Variants in TSC22D1 observed in about 807,000 individuals in gnomAD.
TSC22D1 encodes the protein TSC22 domain family protein 1.
A neutral mutation model predicts 74.2 loss-of-function variants in TSC22D1; 9 were observed. That is an observed-to-expected ratio of 0.12 (90% CI 0.07 to 0.21). The LOEUF is 0.21. TSC22D1 is among the 10% of genes least tolerant of loss of function. The pLI is 1.00. For missense variants in TSC22D1, 1,427 were observed against 1,304.7 expected (o/e 1.09, Z -1.44); for synonymous variants, 586 against 492.5 (o/e 1.19, Z -2.51).
At chr13:44,553,157 C>T (rs1882402160) in intron 1 of TSC22D1, among the ~76,000 whole-genome samples, 1 of 152,174 alleles carries the variant, frequency 6.6e-6, no homozygotes, top group African/African-American at 2.4e-5. Context: ...GAACATTTCT[C>T]AATCTGTGTT....
chr13:44,513,257 C>T lies in TSC22D1; in HGVS notation c.2912+59906G>A, dbSNP rs887840083. The stretch of plus-strand genomic sequence containing the variant: ...GAGAGAAGGGATTGTCTCTCTGATA[C>T]CATTTTGCTTTACTGCATCTAGGAG... On this transcript the variant is annotated intron_variant, in intron 1 of 2. Transcript: ENST00000458659. 9.9e-5 allele frequency among the ~76,000 whole-genome samples: 15 copies of T among 152,276 alleles called. No homozygotes were observed. The Middle Eastern group carries it at 0.014, about 138-fold the overall frequency.
chr13:44,443,390 TCAGA>T (rs1875365631), intron 1 of TSC22D1, among the ~76,000 whole-genome samples: 1 of 152,044 alleles, frequency 6.6e-6, no homozygotes, highest in Non-Finnish European at 1.5e-5. Flanking sequence ...TAAGACTTTT[TCAGA>T]CATACAAAAG....
intron 1 of TSC22D1, chr13:44,436,494 C>T: frequency 6.2e-7 from 1 of 1,610,916 alleles, no homozygotes; most frequent in Non-Finnish European, 8.5e-7. Context: ...CTATCTTAGC[C>T]GACATTTACC....
rs1421127952 is a variant in TSC22D1 at position 44,434,299 on chromosome 13, G to A, written c.*327C>T. On this transcript the variant is annotated 3_prime_UTR_variant, in exon 3 of 3. Transcript: ENST00000458659. ...CAGGAGAGAGAACCCTTGGAAGTGA[G>A]GGGTAGGGAGCCGGAAGGGATGGAA... 1 of 1,374,538 alleles carries A rather than the reference G, an allele frequency of 7.3e-7. No individual in the cohort carries two copies. Among genetic ancestry groups the A allele is most frequent in the Admixed American group, 3.7e-5 (1 of 27,236 alleles). 85.1% of individuals were successfully genotyped at this position (1,374,538 alleles called of 1,614,324 possible). A position where few individuals can be genotyped will look rare whatever the true frequency, so the allele number is the denominator to read the frequency against.
intron 1 of TSC22D1, among the ~76,000 whole-genome samples, chr13:44,467,565 G>A (rs762896440): frequency 7.9e-5 from 12 of 151,848 alleles, no homozygotes; most frequent in African/African-American, 1.5e-4. Context: ...AAATAACTCC[G>A]TTAAAAAGTG....
intron 1 of TSC22D1, among the ~76,000 whole-genome samples, chr13:44,545,851 C>A (rs985452060): frequency 1.3e-5 from 2 of 152,068 alleles, no homozygotes; most frequent in Non-Finnish European, 2.9e-5. Flanking sequence ...ATGGTGCATG[C>A]CTGTAATCCC....
At chr13:44,538,454 T>A in intron 1 of TSC22D1, 2 of 985,402 alleles carry the variant, frequency 2.0e-6, no homozygotes, top group Non-Finnish European at 2.4e-6. Flanking sequence ...TTTCTGGACT[T>A]CCTCTACTAC....
In TSC22D1 at chr13:44,434,592, C is replaced by T. The variant is rs1874362212; in HGVS notation, c.*34G>A. On this transcript the variant is annotated 3_prime_UTR_variant, in exon 3 of 3. Coordinates refer to ENST00000458659, the MANE Select transcript of TSC22D1 (RefSeq NM_183422.4). ...ACATCTTCTCCGTCTGTTCAGTTCA[C>T]ACGCAGCAGCCAGTTCTGCGGGGGC... is the stretch of plus-strand genomic sequence containing the variant. 3.3e-6 allele frequency: 5 copies of T among 1,511,464 alleles called. No homozygotes were observed. Among genetic ancestry groups the T allele is most frequent in the African/African-American group, 1.4e-5 (1 of 71,446 alleles). 93.6% of individuals were successfully genotyped at this position (1,511,464 alleles called of 1,614,324 possible).
intron 1 of TSC22D1, among the ~76,000 whole-genome samples, chr13:44,490,695 C>T (rs567250217): frequency 4.1e-4 from 62 of 151,834 alleles, no homozygotes; most frequent in African/African-American, 1.3e-3. Flanking sequence ...GTCGGGAGTT[C>T]GAGACCAGCC....
intron 1 of TSC22D1, chr13:44,436,322 G>T: frequency 1.1e-6 from 1 of 947,306 alleles, no homozygotes; most frequent in Non-Finnish European, 1.6e-6. Context: ...ACATAATGTG[G>T]GGAAAGCCTG....
intron 1 of TSC22D1, chr13:44,538,412 G>A (rs1242678235): frequency 1.0e-6 from 1 of 985,158 alleles, no homozygotes; most frequent in Non-Finnish European, 1.2e-6. Context: ...TACTTTCAGT[G>A]TCAGGCAACA....
chr13:44,572,487 CA>C (rs1180101354), intron 1 of TSC22D1, among the ~76,000 whole-genome samples: 1 of 152,066 alleles, frequency 6.6e-6, no homozygotes, highest in African/African-American at 2.4e-5. Context: ...ATCTACCATG[CA>C]AAAGAAAAAA....
intron 1 of TSC22D1, among the ~76,000 whole-genome samples, chr13:44,525,484 G>A (rs1277546543): frequency 1.3e-5 from 2 of 152,170 alleles, no homozygotes; most frequent in Non-Finnish European, 2.9e-5. Flanking sequence ...ATCTTCTCAA[G>A]AGCCTGAGGC....
chr13:44,456,140 G>T (rs1022472229), intron 1 of TSC22D1, among the ~76,000 whole-genome samples: 1 of 152,198 alleles, frequency 6.6e-6, no homozygotes, highest in African/African-American at 2.4e-5. Context: ...CCCTCGCAGT[G>T]AGTGTTACAG....
intron 1 of TSC22D1, among the ~76,000 whole-genome samples, chr13:44,547,672 C>A (rs1385254509): frequency 2.6e-5 from 4 of 152,194 alleles, no homozygotes; most frequent in Admixed American, 6.5e-5. Context: ...AGATAAACTC[C>A]AATGTATTAA....
chr13:44,517,857 ATT>A (rs71070912), intron 1 of TSC22D1, among the ~76,000 whole-genome samples: 16 of 16,174 alleles, frequency 9.9e-4, no homozygotes, highest in South Asian at 7.0e-3. Context: ...ATATATATAT[ATT>A]TTTTTTTTTT....
chr13:44,487,709 A>G (rs1470014692), intron 1 of TSC22D1, among the ~76,000 whole-genome samples: 1 of 151,930 alleles, frequency 6.6e-6, no homozygotes, highest in Non-Finnish European at 1.5e-5. Context: ...AGGTTAAAAA[A>G]AAAAGATAAA....
chr13:44,434,424 A>G lies in TSC22D1; in HGVS notation c.*202T>C. ...CATGCTAATTCTCGGATTAACCTTT[A>G]ATTCACCCAACTAAGAAATTTCTCC... is the stretch of plus-strand genomic sequence containing the variant. On this transcript the variant is annotated 3_prime_UTR_variant, in exon 3 of 3. Transcript: ENST00000458659. The G allele has an allele frequency of 7.4e-7, 1 of 1,356,936 alleles. No homozygotes were observed. The highest frequency in any genetic ancestry group is 1.5e-5 in the African/African-American group (1 of 66,670). 84.1% of individuals were successfully genotyped at this position (1,356,936 alleles called of 1,614,324 possible).
At chr13:44,446,856 AAAG>A (rs369070781) in intron 1 of TSC22D1, among the ~76,000 whole-genome samples, 4,921 of 49,378 alleles carry the variant, frequency 0.1, 226 homozygotes, top group African/African-American at 0.22. Flanking sequence ...AAGAAGAGGA[AAAG>A]AAGAAGAAAA....
Sources: allele counts gnomAD v4.1 joint callset (sites outside exome capture counted in the v4.1 genomes callset), GRCh38; gene constraint gnomAD v4.1.1; transcripts MANE v1.5; gene names NCBI Gene and HGNC (gene_info 2026-07-23, HGNC 2026-07-21).